NBEAL1: variants seen among roughly 807,000 people sequenced by gnomAD.
The protein encoded by NBEAL1 is neurobeachin like 1, also known as neurobeachin-like protein 1.
NBEAL1 carries 273 observed loss-of-function variants against 351.3 expected under a neutral mutation model. The observed-to-expected ratio is 0.78, with a 90% CI of 0.70 to 0.86. The LOEUF (loss-of-function observed/expected upper bound fraction) is 0.86. Among genes scored for constraint, NBEAL1 ranks in the 40% least tolerant of loss-of-function variants. The pLI, the probability that NBEAL1 is intolerant of heterozygous loss-of-function variation, is 0.00. For synonymous variants in NBEAL1, 1,050 were observed against 1,086.4 expected (o/e 0.97, Z 0.66); for missense variants, 2,961 against 3,201.3 (o/e 0.92, Z 1.81).
In NBEAL1 at chr2:203,171,976, A is replaced by C; in HGVS notation, c.6151A>C (p.Asn2051His). Residue 2051 changes from asparagine to histidine, a missense_variant, in exon 40 of 56, where the codon AAT (asparagine) becomes CAT (histidine). By Grantham distance (68) the Asn-to-His change is moderately conservative. Transcript: ENST00000683969. ...ISNFDYLIQI[N>H]TMAGRTYNDL... Reference sequence around the variant, plus strand: ...AAATTTTGACTACCTCATTCAAATAAATACAATGGCAGGACGAACCTATAA... The same window carrying C: ...AAATTTTGACTACCTCATTCAAATACATACAATGGCAGGACGAACCTATAA... 1 of 1,609,000 alleles carries C rather than the reference A, an allele frequency of 6.2e-7. No homozygotes were observed. The highest frequency in any genetic ancestry group is 8.5e-7 in the Non-Finnish European group (1 of 1,178,394).
chr2:203,029,873 TA>T (rs2060923425), intron 2 of NBEAL1, among the ~76,000 whole-genome samples: 1 of 152,330 alleles, frequency 6.6e-6, no homozygotes, highest in South Asian at 2.1e-4. Context: ...TTCCTTTCAT[TA>T]AAATTTTTGC....
chr2:203,166,207 C>G lies in NBEAL1; in HGVS notation c.5773C>G (p.Leu1925Val), dbSNP rs745812251. 3.1e-6 allele frequency: 5 copies of G among 1,609,540 alleles called. No homozygotes were observed. The highest frequency in any genetic ancestry group is 1.1e-5 in the South Asian group (1 of 89,920). The change falls in exon 37 of 56, where the codon CTC becomes GTC. Residue 1925 changes from leucine to valine, a missense_variant. Physicochemically the swap from Leu to Val is conservative, Grantham distance 32. Coordinates refer to ENST00000683969, the MANE Select transcript of NBEAL1 (RefSeq NM_001378026.1). ...ATTGGTATTGATGGAAGACTGTGAA[C>G]TCATTACAATAATTGATGTAATTCC... The part of the protein sequence containing the change: ...EKLVLMEDCE[L>V]ITIIDVIPGR...
intron 51 of NBEAL1, among the ~76,000 whole-genome samples, chr2:203,206,463 C>G (rs923870021): frequency 6.6e-6 from 1 of 152,164 alleles, no homozygotes; most frequent in Non-Finnish European, 1.5e-5. Context: ...CCTCTGATGC[C>G]GAGCCAAAGC....
intron 2 of NBEAL1, chr2:203,040,602 C>T: frequency 1.5e-6 from 1 of 674,784 alleles, no homozygotes; most frequent in East Asian, 3.5e-5. Context: ...ATAAGACCAT[C>T]CCTCTGACAG....
At position 203,039,189 on chromosome 2, in the gene NBEAL1, TCTTTC is replaced by T. The variant is rs1313349603; in HGVS notation, c.52-2549_52-2545del. 3.1e-4 allele frequency among the ~76,000 whole-genome samples: 36 copies of T among 116,078 alleles called. 2 individuals carry two copies. Among genetic ancestry groups the T allele is most frequent in the South Asian group, 1.0e-3 (4 of 3,872 alleles). The allele number at this position is 116,078 out of a possible 152,430, so 76.2% of individuals were successfully genotyped here. A position where few individuals can be genotyped will look rare whatever the true frequency, so the allele number is the denominator to read the frequency against. On this transcript the variant is annotated intron_variant, in intron 2 of 55. Transcript: ENST00000683969. ...CTGTCTTTTTTCTTTCCTTTCCTTT[TCTTTC>T]CTTTCCTTTCCTTTCCTTTCCTTTC...
chr2:203,210,165 C>T (rs1208942439), intron 53 of NBEAL1, among the ~76,000 whole-genome samples: 1 of 150,310 alleles, frequency 6.7e-6, no homozygotes, highest in Non-Finnish European at 1.5e-5. Context: ...GAGTTCCAGA[C>T]CAGCCTGGCC....
At chr2:203,089,902 C>T (rs1391179118) in intron 10 of NBEAL1, among the ~76,000 whole-genome samples, 1 of 152,078 alleles carries the variant, frequency 6.6e-6, no homozygotes, top group Non-Finnish European at 1.5e-5. Context: ...TTTTCATTTT[C>T]TGTTTTAACT....
intron 3 of NBEAL1, among the ~76,000 whole-genome samples, chr2:203,047,741 AT>A (rs199901981): frequency 0.011 from 1,479 of 129,386 alleles, 12 homozygotes; most frequent in Middle Eastern, 0.016. Context: ...ATTTCTTTCT[AT>A]TTTTTTTTTT....
At chr2:203,153,039 A>C (rs201967362) in intron 35 of NBEAL1, among the ~76,000 whole-genome samples, 2 of 145,432 alleles carry the variant, frequency 1.4e-5, no homozygotes, top group East Asian at 5.1e-4. Flanking sequence ...ACTCCTCCTC[A>C]ACAACAACAA....
chr2:203,016,495 G>A, intron 2 of NBEAL1, 60 bp downstream of exon 2: 1 of 1,092,342 alleles, frequency 9.2e-7, no homozygotes, highest in South Asian at 1.9e-5. Flanking sequence ...ATTTGTGACT[G>A]GCAGTAGTAA....
At chr2:203,097,440 C>A (rs1397494044) in intron 10 of NBEAL1, 107 bp from the exon 11 acceptor site, 1 of 217,318 alleles carries the variant, frequency 4.6e-6, no homozygotes, top group African/African-American at 2.3e-5. Context: ...CAAGGGAATT[C>A]TTGGGTTTAT....
At position 203,037,985 on chromosome 2, in the gene NBEAL1, G is replaced by GAATA. The variant is rs1330305530; in HGVS notation, c.52-3770_52-3767dup. On this transcript the variant is annotated intron_variant, in intron 2 of 55. Transcript: ENST00000683969. ...TAAATAAATACACAAATAAATACAT[G>GAATA]AATAAATAAATAAGTAGTATGTGCT... Among the ~76,000 whole-genome samples the GAATA allele has an allele frequency of 4.7e-5, 7 of 148,556 alleles. No individual in the cohort carries two copies. In the South Asian group the frequency reaches 6.3e-4, roughly 13 times the overall value.
chr2:203,208,821 A>G lies in NBEAL1; in HGVS notation c.7623+68A>G, dbSNP rs943472794. ...AATTTATTACCAACACTTATAACTA[A>G]AAAGTTTTTCAGAGGAATTGATAAG... On this transcript the variant is annotated intron_variant, in intron 52 of 55. Transcript: ENST00000683969. The G allele has an allele frequency of 6.5e-6, 8 of 1,237,504 alleles. No individual in the cohort carries two copies. In the East Asian group the frequency reaches 1.9e-4, roughly 30 times the overall value. 76.7% of individuals were successfully genotyped at this position (1,237,504 alleles called of 1,614,324 possible). A position where few individuals can be genotyped will look rare whatever the true frequency, so the allele number is the denominator to read the frequency against.
At chr2:203,128,083 AT>A in intron 24 of NBEAL1, 146 bp downstream of exon 24, 1 of 575,926 alleles carries the variant, frequency 1.7e-6, no homozygotes, top group Non-Finnish European at 2.9e-6. Context: ...TAAGAAGTAA[AT>A]TTTATCTTTT....
At chr2:203,216,140 A>G (rs142686029) in intron 55 of NBEAL1, among the ~76,000 whole-genome samples, 5 of 152,182 alleles carry the variant, frequency 3.3e-5, no homozygotes, top group Non-Finnish European at 7.4e-5. Flanking sequence ...ACATTTATTC[A>G]TTCACTGATT....
chr2:203,050,673 G>A (rs916846766), intron 4 of NBEAL1, among the ~76,000 whole-genome samples: 15 of 152,162 alleles, frequency 9.9e-5, no homozygotes, highest in African/African-American at 3.6e-4. Flanking sequence ...AATTAGGTCT[G>A]TGGTGCTTAC....
intron 19 of NBEAL1, among the ~76,000 whole-genome samples, chr2:203,123,269 A>G (rs1484433433): frequency 6.6e-6 from 1 of 151,784 alleles, no homozygotes; most frequent in Non-Finnish European, 1.5e-5. Flanking sequence ...CATGTTATTC[A>G]TGATATATAA....
chr2:203,102,902 A>G (rs2062357006), intron 12 of NBEAL1, among the ~76,000 whole-genome samples: 1 of 152,056 alleles, frequency 6.6e-6, no homozygotes, highest in South Asian at 2.1e-4. Flanking sequence ...TTTTTTATGT[A>G]TCTGATAGAA....
chr2:203,110,435 G>A, intron 15 of NBEAL1, among the ~76,000 whole-genome samples, 153 bp downstream of exon 15: 1 of 152,052 alleles, frequency 6.6e-6, no homozygotes, highest in East Asian at 1.9e-4. Context: ...CACTTTAGGA[G>A]CCCAAAGCAG....
Sources: gnomAD v4.1 joint callset for allele counts (sites outside exome capture counted in the v4.1 genomes callset) on GRCh38, gnomAD v4.1.1 for gene constraint, MANE v1.5 for transcripts, NCBI Gene and HGNC (gene_info 2026-07-23, HGNC 2026-07-21) for gene names.